CTNNA3: variants seen among roughly 807,000 people sequenced by gnomAD.
The protein encoded by CTNNA3 is catenin alpha-3.
A neutral mutation model predicts 95.7 loss-of-function variants in CTNNA3; 76 were observed. The observed-to-expected ratio is 0.79, with a 90% CI of 0.66 to 0.96. The LOEUF is 0.96. Ranked by LOEUF, CTNNA3 falls within the 40% of genes least tolerant of loss-of-function variation. The pLI is 0.00. For synonymous variants in CTNNA3, 431 were observed against 374.4 expected, an observed-to-expected ratio of 1.15 and a Z score of -1.74; for missense variants, 1,191 against 1,089.8, an observed-to-expected ratio of 1.09 and a Z score of -1.31.
chr10:66,576,426 A>G (rs1239199201), intron 10 of CTNNA3, among the ~76,000 whole-genome samples: 1 of 152,054 alleles, frequency 6.6e-6, no homozygotes, highest in Non-Finnish European at 1.5e-5. Flanking sequence ...TGAGCCCATC[A>G]CCAAGGTAGT....
At chr10:67,325,350 A>C (rs981931343) in intron 5 of CTNNA3, among the ~76,000 whole-genome samples, 4 of 151,960 alleles carry the variant, frequency 2.6e-5, no homozygotes, top group African/African-American at 9.7e-5. Flanking sequence ...CATCTTTCTA[A>C]CTTTTTGATG....
At chr10:66,753,622 A>T (rs978321883) in intron 9 of CTNNA3, among the ~76,000 whole-genome samples, 1 of 151,708 alleles carries the variant, frequency 6.6e-6, no homozygotes, top group African/African-American at 2.4e-5. Flanking sequence ...AGATTGCACC[A>T]TTGCACTCTA....
chr10:67,519,665 C>G (rs955383166), intron 5 of CTNNA3, among the ~76,000 whole-genome samples: 2 of 152,070 alleles, frequency 1.3e-5, no homozygotes, highest in South Asian at 4.1e-4. Context: ...AGGTGACAGA[C>G]GAGGCCCTGT....
chr10:67,355,575 G>A (rs530657087), intron 5 of CTNNA3, among the ~76,000 whole-genome samples: 13 of 151,864 alleles, frequency 8.6e-5, no homozygotes, highest in South Asian at 6.2e-4. Flanking sequence ...CTGCTCCTGC[G>A]GTGAGTTCTT....
At chr10:66,504,495 C>G (rs772177936) in intron 11 of CTNNA3, among the ~76,000 whole-genome samples, 2 of 152,182 alleles carry the variant, frequency 1.3e-5, no homozygotes, top group Non-Finnish European at 1.5e-5. Flanking sequence ...AAGATTGATG[C>G]TGTTCTCACC....
intron 5 of CTNNA3, among the ~76,000 whole-genome samples, chr10:67,284,543 TTAA>T (rs1839519930): frequency 1.3e-5 from 2 of 152,122 alleles, no homozygotes; most frequent in Non-Finnish European, 2.9e-5. Flanking sequence ...TAAAAAAAAA[TTAA>T]TGTTTTAATA....
intron 7 of CTNNA3, among the ~76,000 whole-genome samples, chr10:67,059,068 C>A (rs1444287618): frequency 6.6e-6 from 1 of 152,150 alleles, no homozygotes; most frequent in Non-Finnish European, 1.5e-5. Context: ...TAAATATCTG[C>A]ACACACAAAT....
intron 5 of CTNNA3, among the ~76,000 whole-genome samples, chr10:67,470,964 T>G (rs1200067347): frequency 6.6e-6 from 1 of 151,614 alleles, no homozygotes; most frequent in East Asian, 1.9e-4. Flanking sequence ...TCTTTTTTAT[T>G]TATTTATTTA....
chr10:66,081,382 C>T (rs1226759595), intron 14 of CTNNA3, among the ~76,000 whole-genome samples: 1 of 152,016 alleles, frequency 6.6e-6, no homozygotes, highest in East Asian at 1.9e-4. Context: ...GGGGCTAAGG[C>T]AGGGGGACTG....
intron 5 of CTNNA3, among the ~76,000 whole-genome samples, chr10:67,420,878 T>C (rs1308284622): frequency 6.6e-6 from 1 of 152,204 alleles, no homozygotes; most frequent in East Asian, 1.9e-4. Flanking sequence ...TGAGTCTCAG[T>C]TGAAGTAAAG....
intron 10 of CTNNA3, among the ~76,000 whole-genome samples, chr10:66,524,135 C>T (rs1402707396): frequency 1.3e-5 from 2 of 152,242 alleles, no homozygotes; most frequent in East Asian, 3.8e-4. Flanking sequence ...TCTCAGGAAA[C>T]ATTTTTCATA....
chr10:66,317,938 G>T (rs908493970), intron 12 of CTNNA3, among the ~76,000 whole-genome samples: 1 of 151,592 alleles, frequency 6.6e-6, no homozygotes, highest in Non-Finnish European at 1.5e-5. Context: ...TTATAGAGTC[G>T]GATATTTATT....
At chr10:67,427,439 T>G (rs1057113354) in intron 5 of CTNNA3, among the ~76,000 whole-genome samples, 1 of 152,002 alleles carries the variant, frequency 6.6e-6, no homozygotes, top group Non-Finnish European at 1.5e-5. Context: ...AAATAGCAAT[T>G]AGATATTCTT....
intron 12 of CTNNA3, among the ~76,000 whole-genome samples, chr10:66,323,705 A>G (rs562945931): frequency 6.4e-4 from 96 of 151,012 alleles, no homozygotes; most frequent in African/African-American, 2.2e-3. Context: ...CAAAGCCCCT[A>G]CTCTCAAGCC....
Position 66,344,743 on chromosome 10 carries a change from C to G in CTNNA3, c.1732+34409G>C, listed in dbSNP as rs573265802. On this transcript the variant is annotated intron_variant, in intron 12 of 17. Coordinates refer to ENST00000433211, the MANE Select transcript of CTNNA3 (RefSeq NM_013266.4). ...TATGATTTCTATAGAAGGAAACATC[C>G]TTCAGACGAACTGACCAATGGTACT... is the stretch of plus-strand genomic sequence containing the variant. Among the ~76,000 whole-genome samples, 3 of 152,126 alleles carry G rather than the reference C, an allele frequency of 2.0e-5. No homozygotes were observed. In the South Asian group the frequency reaches 6.2e-4, roughly 32 times the overall value.
chr10:67,043,551 T>A (rs1023058544), intron 7 of CTNNA3, among the ~76,000 whole-genome samples: 1 of 152,202 alleles, frequency 6.6e-6, no homozygotes, highest in African/African-American at 2.4e-5. Flanking sequence ...TGTGATGCTG[T>A]AACACTCTGA....
chr10:65,980,562 T>A (rs778618512), intron 16 of CTNNA3, among the ~76,000 whole-genome samples: 6 of 149,246 alleles, frequency 4.0e-5, no homozygotes, highest in East Asian at 2.0e-4. Context: ...TAGACAAATA[T>A]CCCTAATGAA....
intron 9 of CTNNA3, among the ~76,000 whole-genome samples, chr10:66,763,161 T>C (rs1032184538): frequency 6.6e-6 from 1 of 152,102 alleles, no homozygotes; most frequent in Admixed American, 6.6e-5. Flanking sequence ...GCTCTCCTAT[T>C]TTCCACGAGT....
At chr10:66,973,687 G>A (rs1589524055) in intron 7 of CTNNA3, among the ~76,000 whole-genome samples, 1 of 151,998 alleles carries the variant, frequency 6.6e-6, no homozygotes, top group African/African-American at 2.4e-5. Context: ...ACAGTGGTGC[G>A]ATCTCGGCTC....
Sources: allele counts gnomAD v4.1 joint callset (sites outside exome capture counted in the v4.1 genomes callset), GRCh38; gene constraint gnomAD v4.1.1; transcripts MANE v1.5; gene names NCBI Gene and HGNC (gene_info 2026-07-23, HGNC 2026-07-21).